Variants in DNHD1 observed in about 807,000 individuals in gnomAD.
The protein encoded by DNHD1 is dynein heavy chain domain 1.
DNHD1 carries 383 observed loss-of-function variants against 458.1 expected under a neutral mutation model. The observed-to-expected ratio is 0.84, with a 90% CI of 0.77 to 0.91. The LOEUF is 0.91. Among genes scored for constraint, DNHD1 ranks in the 40% least tolerant of loss-of-function variants. DNHD1 has a pLI of 0.00. For synonymous variants in DNHD1, 2,203 were observed against 2,376.9 expected (o/e 0.93, Z 2.13); for missense variants, 5,336 against 5,866.1 (o/e 0.91, Z 2.95).
chr11:6,548,221 T>C lies in DNHD1; in HGVS notation c.6917T>C (p.Ile2306Thr), dbSNP rs903850524. 15 of 1,551,544 alleles carry C rather than the reference T, an allele frequency of 9.7e-6. No individual in the cohort carries two copies. The African/African-American group carries it at 1.4e-4, about 14-fold the overall frequency. The change falls in exon 23 of 43, where the codon ATC (isoleucine) becomes ACC (threonine). Residue 2306 changes from isoleucine (I) to threonine (T), a missense_variant. Physicochemically the swap from Ile to Thr is moderately conservative, Grantham distance 89 (BLOSUM62 -1). Around this residue, in one of 4 missense-constraint regions of DNHD1, gnomAD observed 3,932 missense variants for 4,365.6 expected, o/e 0.90. Coordinates refer to ENST00000254579, the MANE Select transcript of DNHD1 (RefSeq NM_144666.3). This position sits in a 1 kb window ranked among gnomAD's most constrained non-coding sequence, Gnocchi z 4.4. ...GAHLPSRFWP[I>T]FDTFIRDSIS... ...GTCCATCTGAGCAGGTTCTGGCCCA[T>C]CTTTGATACCTTCATAAGGGATTCT...
chr11:6,570,293 G>A lies in DNHD1; in HGVS notation c.13002G>A (p.Glu4334=), dbSNP rs1263349330. The change falls in exon 41 of 43, where the codon GAG becomes GAA. Residue 4334 remains glutamate, a synonymous_variant. Transcript: ENST00000254579. ...GGPLGDTEDR[E]ALISLTQACL... is the part of the protein sequence containing the mutation. ...CTCTGGGGGACACTGAGGACAGGGA[G>A]GCCCTGATTAGCCTCACACAAGCCT... The A allele has an allele frequency of 1.2e-6, 2 of 1,613,716 alleles. No homozygotes were observed. The highest frequency in any genetic ancestry group is 1.7e-6 in the Non-Finnish European group (2 of 1,179,786).
intron 14 of DNHD1, among the ~76,000 whole-genome samples, chr11:6,536,970 AT>A (rs1852964808): frequency 6.6e-6 from 1 of 152,164 alleles, no homozygotes; most frequent in African/African-American, 2.4e-5. Context: ...TAGCCTAGTG[AT>A]TCCAGCTTTT....
Position 6,533,883 on chromosome 11 carries a change from T to G in DNHD1, c.2708T>G (p.Leu903Arg). The G allele has an allele frequency of 6.4e-7, 1 of 1,550,900 alleles. No homozygotes were observed. The highest frequency in any genetic ancestry group is 8.7e-7 in the Non-Finnish European group (1 of 1,146,752). ...CAACCACATCTACTCCACTGCCCTC[T>G]GCTTGCCCCACAGCTTCTGGATATG... is the stretch of plus-strand genomic sequence containing the variant. ...PPQPHLLHCP[L>R]LAPQLLDMWE... is the part of the protein sequence containing the mutation. Residue 903 changes from leucine to arginine, a missense_variant, in exon 14 of 43, where the codon CTG (leucine) becomes CGG (arginine). Leu to Arg is a moderately radical substitution (Grantham distance 102). This residue lies in a region of DNHD1 where 3,932 missense variants were observed against 4,365.6 expected (regional missense o/e 0.90). Transcript: ENST00000254579.
intron 18 of DNHD1, among the ~76,000 whole-genome samples, chr11:6,542,816 T>C (rs12285957): frequency 6.6e-6 from 1 of 152,092 alleles, no homozygotes; most frequent in Non-Finnish European, 1.5e-5. Flanking sequence ...AATGAAAGTA[T>C]ACTATCAGAA....
intron 24 of DNHD1, among the ~76,000 whole-genome samples, 177 bp from the exon 25 acceptor site, chr11:6,556,506 C>A (rs1449945735): frequency 1.3e-5 from 2 of 151,996 alleles, no homozygotes; most frequent in African/African-American, 4.8e-5. Context: ...GAAGAAATTC[C>A]TCAATTTTAG....
chr11:6,534,349 AC>A, intron 14 of DNHD1, 176 bp downstream of exon 14: 1 of 678,012 alleles, frequency 1.5e-6, no homozygotes, highest in Non-Finnish European at 2.4e-6. Context: ...TCATATATTG[AC>A]CATGGCAGGT....
chr11:6,551,782 A>G (rs1853353457), intron 24 of DNHD1, among the ~76,000 whole-genome samples: 1 of 152,224 alleles, frequency 6.6e-6, no homozygotes, highest in Non-Finnish European at 1.5e-5. Flanking sequence ...CTCTACTAAA[A>G]ATGCAAAAAT....
intron 12 of DNHD1, among the ~76,000 whole-genome samples, chr11:6,531,262 C>T (rs749093594): frequency 1.3e-5 from 2 of 152,180 alleles, no homozygotes; most frequent in African/African-American, 4.8e-5. Flanking sequence ...TACACTCTGA[C>T]GAATTAGCTT....
rs1429005435 is a variant in DNHD1, at chr11:6,509,235, G to C, written c.1198G>C (p.Val400Leu). The change falls in exon 6 of 43, where the codon GTG (valine) becomes CTG (leucine). Residue 400 changes from valine (V) to leucine (L), a missense_variant. Coordinates refer to ENST00000254579, the MANE Select transcript of DNHD1 (RefSeq NM_144666.3). ...CCTAGAGAATCATCTGCTCTTGGCT[G>C]TGCCCCACTTTGGAGCTGGGCTACT... The part of the protein sequence containing the change: ...KFLENHLLLA[V>L]PHFGAGLLHI... 2 of 1,614,174 alleles carry C rather than the reference G, an allele frequency of 1.2e-6. No individual in the cohort carries two copies. The highest frequency in any genetic ancestry group is 1.1e-5 in the South Asian group (1 of 91,076).
In DNHD1 at chr11:6,502,247, G is replaced by T. The variant is rs570371299; in HGVS notation, c.747-506G>T. ...GAAAGAATATGAAGCTAGAGGTTGG[G>T]TGATGGTAGGGGAAGAGCAGAAAAT... On this transcript the variant is annotated intron_variant, in intron 3 of 42. Transcript: ENST00000254579. Among the ~76,000 whole-genome samples the T allele has an allele frequency of 2.6e-5, 4 of 152,248 alleles. No individual in the cohort carries two copies. The South Asian group carries it at 8.3e-4, about 32-fold the overall frequency.
In DNHD1 at chr11:6,498,909, A is replaced by C. The variant is rs752893246; in HGVS notation, c.694A>C (p.Ser232Arg). 3 of 1,613,528 alleles carry C rather than the reference A, an allele frequency of 1.9e-6. No homozygotes were observed. The highest frequency in any genetic ancestry group is 2.5e-6 in the Non-Finnish European group (3 of 1,179,792). ...AGCGGACATCCCTGTACGGTATGAA[A>C]GCAGTGACACTGACAATGCAGAGGT... ...LAADIPVRYE[S>R]SDTDNAEVEP... The change falls in exon 3 of 43, where the codon AGC (serine) becomes CGC (arginine). Residue 232 changes from serine (S) to arginine (R), a missense_variant. This residue lies in a region of DNHD1 where 3,932 missense variants were observed against 4,365.6 expected (regional missense o/e 0.90). Transcript: ENST00000254579.
chr11:6,514,106 G>A lies in DNHD1; in HGVS notation c.1392+2677G>A, dbSNP rs577326234. Among the ~76,000 whole-genome samples the A allele has an allele frequency of 2.0e-5, 3 of 151,968 alleles. No homozygotes were observed. In the East Asian group the frequency reaches 5.8e-4, roughly 29 times the overall value. ...CATGATCCACCTGCCTCAGCCTCCC[G>A]AAGTACTGGGATTACAGGTGTGAGT... On this transcript the variant is annotated intron_variant, in intron 7 of 42. Transcript: ENST00000254579.
chr11:6,532,672 C>T (rs1852850791), intron 12 of DNHD1, among the ~76,000 whole-genome samples: 1 of 152,226 alleles, frequency 6.6e-6, no homozygotes, highest in East Asian at 1.9e-4. Context: ...TCTCAGGATA[C>T]CCCCCGGCAC....
Position 6,563,934 on chromosome 11 carries a change from GCTA to G in DNHD1, c.10099_10101del (p.Tyr3367del), listed in dbSNP as rs1564822719. The G allele has an allele frequency of 6.4e-7, 1 of 1,551,682 alleles. No individual in the cohort carries two copies. Among genetic ancestry groups the G allele is most frequent in the East Asian group, 2.4e-5 (1 of 40,916 alleles). ...CTCACTCGGGAGCAGGCCCGCCTGGGCTACTACCAGTTTCAGGCCCAGGAGACC... is the reference window on the plus strand; with the variant it reads ...CTCACTCGGGAGCAGGCCCGCCTGGGCTACCAGTTTCAGGCCCAGGAGACC... On this transcript the variant is annotated inframe_deletion, in exon 31 of 43. Coordinates refer to ENST00000254579, the MANE Select transcript of DNHD1 (RefSeq NM_144666.3).
At position 6,502,773 on chromosome 11, in the gene DNHD1, T is replaced by G; in HGVS notation, c.767T>G (p.Val256Gly). Residue 256 changes from valine (V) to glycine (G), a missense_variant, in exon 4 of 43, where the codon GTT (valine) becomes GGT (glycine). Val to Gly is a moderately radical substitution (Grantham distance 109). Transcript: ENST00000254579. ...KETRSQLDYE[V>G]PREKAFQKSS... Reference sequence around the variant, plus strand: ...CACAGGTCTCAGCTTGACTATGAAGTTCCCAGGGAAAAGGCCTTCCAAAAG... The same window carrying G: ...CACAGGTCTCAGCTTGACTATGAAGGTCCCAGGGAAAAGGCCTTCCAAAAG... 6.2e-7 allele frequency: 1 copy of G among 1,602,018 alleles called. No homozygotes were observed. Among genetic ancestry groups the G allele is most frequent in the Non-Finnish European group, 8.5e-7 (1 of 1,175,302 alleles).
chr11:6,529,361 T>G (rs1198074533), intron 12 of DNHD1, among the ~76,000 whole-genome samples: 3 of 152,202 alleles, frequency 2.0e-5, no homozygotes, highest in Non-Finnish European at 4.4e-5. Flanking sequence ...GGAATCATGT[T>G]CCTGTGCTTG....
rs1852580228 is a variant in DNHD1 at position 6,520,307 on chromosome 11, G to C, written c.1837+18G>C. 1.9e-6 allele frequency: 3 copies of C among 1,551,702 alleles called. No individual in the cohort carries two copies. The East Asian group carries it at 7.3e-5, about 38-fold the overall frequency. On this transcript the variant is annotated intron_variant, in intron 10 of 42. Coordinates refer to ENST00000254579, the MANE Select transcript of DNHD1 (RefSeq NM_144666.3). ...TTCTGAAGGTATTTAGGGAGACCTAGGCAGGGGGTAGGAAGGCTGAAGGAG... is the reference window on the plus strand; with the variant it reads ...TTCTGAAGGTATTTAGGGAGACCTACGCAGGGGGTAGGAAGGCTGAAGGAG...
rs199602302 is a variant in DNHD1, at chr11:6,545,590, C to T, written c.4651C>T (p.Arg1551Trp). 1.5e-5 allele frequency: 23 copies of T among 1,551,956 alleles called. No homozygotes were observed. Among genetic ancestry groups the T allele is most frequent in the Middle Eastern group, 1.7e-4 (1 of 5,992 alleles). ...RKLEVLVNFM[R>W]AQRASQGGQS... Reference sequence around the variant, plus strand: ...GCTTGAGGTACTGGTGAATTTTATGCGGGCCCAGAGGGCTTCCCAAGGTGG... The same window carrying T: ...GCTTGAGGTACTGGTGAATTTTATGTGGGCCCAGAGGGCTTCCCAAGGTGG... Residue 1551 changes from arginine (R) to tryptophan (W), a missense_variant, in exon 21 of 43, where the codon CGG (arginine) becomes TGG (tryptophan). Arg to Trp is a moderately radical substitution (Grantham distance 101). This residue lies in a region of DNHD1 where 3,932 missense variants were observed against 4,365.6 expected (regional missense o/e 0.90). Transcript: ENST00000254579. The surrounding 1 kb of genome is among the most constrained non-coding windows in gnomAD (Gnocchi z 4.9).
rs757335540 is a variant in DNHD1 at position 6,568,765 on chromosome 11, C to T, written c.12762C>T (p.Tyr4254=). 2 of 1,613,560 alleles carry T rather than the reference C, an allele frequency of 1.2e-6. No homozygotes were observed. The highest frequency in any genetic ancestry group is 2.2e-5 in the East Asian group (1 of 44,850). ...TGGAGCTAGCCCAGCAAGTACTCTA[C>T]ATGCAACCCCCCACCCAGGCACTAC... The part of the protein sequence containing the change: ...DSVELAQQVL[Y]MQPPTQALPL... Residue 4254 remains tyrosine, a synonymous_variant, in exon 39 of 43, where the codon TAC becomes TAT. Coordinates refer to ENST00000254579, the MANE Select transcript of DNHD1 (RefSeq NM_144666.3).
Sources: allele counts gnomAD v4.1 joint callset (sites outside exome capture counted in the v4.1 genomes callset), GRCh38; gene constraint gnomAD v4.1.1; regional missense constraint gnomAD v4.1.1; non-coding constraint Gnocchi (gnomAD v3.1); transcripts MANE v1.5; gene names NCBI Gene and HGNC (gene_info 2026-07-23, HGNC 2026-07-21).